CRLS1: variants seen among roughly 807,000 people sequenced by gnomAD.
The protein encoded by CRLS1 is cardiolipin synthase (CMP-forming).
CRLS1 carries 24 observed loss-of-function variants against 37.0 expected under a neutral mutation model. The ratio of observed to expected loss-of-function variants is 0.65; its 90% CI spans 0.47 to 0.91. The LOEUF is 0.91. CRLS1 is among the 40% of genes least tolerant of loss of function. CRLS1 has a pLI of 0.00. For missense variants in CRLS1, 373 were observed against 395.8 expected, an observed-to-expected ratio of 0.94 and a Z score of 0.49; for synonymous variants, 135 against 159.7, an observed-to-expected ratio of 0.85 and a Z score of 1.17.
At position 6,006,572 on chromosome 20, in the gene CRLS1, C is replaced by A; in HGVS notation, c.306+20C>A. 4 of 1,259,348 alleles carry A rather than the reference C, an allele frequency of 3.2e-6. No homozygotes were observed. The highest frequency in any genetic ancestry group is 4.0e-6 in the Non-Finnish European group (4 of 1,004,640). 78.0% of individuals were successfully genotyped at this position (1,259,348 alleles called of 1,614,324 possible). Reference sequence around the variant, plus strand: ...AGCCTGGTACGTACCGATGAGGCGGCGGCGGGCCGGCCCTGGGCTGGGGTC... The same window carrying A: ...AGCCTGGTACGTACCGATGAGGCGGAGGCGGGCCGGCCCTGGGCTGGGGTC... On this transcript the variant is annotated intron_variant, in intron 1 of 6. Coordinates refer to ENST00000378863, the MANE Select transcript of CRLS1 (RefSeq NM_019095.6).
At position 6,038,253 on chromosome 20, in the gene CRLS1, C is replaced by T. The variant is rs1385353482; in HGVS notation, c.*1095C>T. On this transcript the variant is annotated 3_prime_UTR_variant, in exon 7 of 7. Transcript: ENST00000378863. Reference sequence around the variant, plus strand: ...ATGGGGAAGGGGAGAAGAAGACAGTCCAGTGGTGACTAGTTGCTGCTGCTT... The same window carrying T: ...ATGGGGAAGGGGAGAAGAAGACAGTTCAGTGGTGACTAGTTGCTGCTGCTT... 1 of 152,242 alleles carries T rather than the reference C, an allele frequency of 6.6e-6. No individual in the cohort carries two copies. The allele number at this position is 152,242 out of a possible 1,614,324, so 9.4% of individuals were successfully genotyped here. A position where few individuals can be genotyped will look rare whatever the true frequency, so the allele number is the denominator to read the frequency against.
intron 3 of CRLS1, among the ~76,000 whole-genome samples, chr20:6,023,816 C>T (rs1160144286): frequency 6.6e-6 from 1 of 151,630 alleles, no homozygotes; most frequent in African/African-American, 2.4e-5. Flanking sequence ...CATGCACATA[C>T]CTCATTTTTA....
At chr20:6,008,587 G>A (rs747087731) in intron 1 of CRLS1, among the ~76,000 whole-genome samples, 1 of 152,188 alleles carries the variant, frequency 6.6e-6, no homozygotes, top group Non-Finnish European at 1.5e-5. Context: ...TTTAGTTGAG[G>A]ATCTTAACAT....
chr20:6,038,352 T>C lies in CRLS1; in HGVS notation c.*1194T>C, dbSNP rs1446243464. ...ATTATGGAATACTGCAGTGAGATTA[T>C]CCATTCTCAGCCTGTTGAGCTGCAT... On this transcript the variant is annotated 3_prime_UTR_variant, in exon 7 of 7. Transcript: ENST00000378863. 6.6e-6 allele frequency: 1 copy of C among 152,250 alleles called. No homozygotes were observed. Among genetic ancestry groups the C allele is most frequent in the Admixed American group, 6.5e-5 (1 of 15,286 alleles). The allele number at this position is 152,250 out of a possible 1,614,324, so 9.4% of individuals were successfully genotyped here.
At chr20:6,012,721 T>TAG (rs1978423319) in intron 2 of CRLS1, among the ~76,000 whole-genome samples, 1 of 152,000 alleles carries the variant, frequency 6.6e-6, no homozygotes, top group Admixed American at 6.6e-5. Flanking sequence ...AGAGAGAAAT[T>TAG]TGGGAGCTGT....
intron 5 of CRLS1, 26 bp downstream of exon 5, chr20:6,032,106 G>A: frequency 1.3e-6 from 2 of 1,558,012 alleles, no homozygotes; most frequent in Non-Finnish European, 1.8e-6. Flanking sequence ...GTTCTTTGAA[G>A]TTATTCCTTT....
chr20:6,028,450 A>G lies in CRLS1; in HGVS notation c.575-2835A>G, dbSNP rs191169693. 7.9e-5 allele frequency: 12 copies of G among 151,778 alleles called. No individual in the cohort carries two copies. The East Asian group carries it at 2.1e-3, about 27-fold the overall frequency. 9.4% of individuals were successfully genotyped at this position (151,778 alleles called of 1,614,324 possible). The stretch of plus-strand genomic sequence containing the variant: ...TTTATTTTGTATTATTATATTTTGT[A>G]TTATTATATTGTTTCTGGTTTACCA... On this transcript the variant is annotated intron_variant, in intron 3 of 6. Transcript: ENST00000378863.
chr20:6,007,384 G>A (rs750341656), intron 1 of CRLS1: 1 of 1,613,582 alleles, frequency 6.2e-7, no homozygotes. Flanking sequence ...TTCCCAGAAC[G>A]GCAGTAGTTG....
chr20:6,016,546 A>T (rs1568620101), intron 3 of CRLS1, among the ~76,000 whole-genome samples: 1 of 151,986 alleles, frequency 6.6e-6, no homozygotes, highest in African/African-American at 2.4e-5. Context: ...TCCCAAAGTG[A>T]TGGGACTATT....
rs184439829 is a variant in CRLS1, at chr20:6,007,591, A to T, written c.306+1039A>T. Among the ~76,000 whole-genome samples, 32 of 152,320 alleles carry T rather than the reference A, an allele frequency of 2.1e-4. No homozygotes were observed. The East Asian group carries it at 5.8e-3, about 27-fold the overall frequency. On this transcript the variant is annotated intron_variant, in intron 1 of 6. Transcript: ENST00000378863. ...GTTTGTTAATTCGCCAAATGAAATG[A>T]TGTTTCTGTTTACAACTTTGTCTTT...
chr20:6,023,162 C>T (rs1261601192), intron 3 of CRLS1, among the ~76,000 whole-genome samples: 2 of 152,174 alleles, frequency 1.3e-5, no homozygotes, highest in African/African-American at 4.8e-5. Flanking sequence ...TCCCCTTGAA[C>T]ATGAGTTGTT....
intron 6 of CRLS1, 55 bp downstream of exon 6, chr20:6,034,610 A>T: frequency 7.9e-7 from 1 of 1,272,012 alleles, no homozygotes; most frequent in Admixed American, 1.7e-5. Context: ...ACTTATGGTG[A>T]TAGCCCTAGA....
At position 6,037,189 on chromosome 20, in the gene CRLS1, G is replaced by A. The variant is rs545286140; in HGVS notation, c.*31G>A. 2.3e-5 allele frequency: 35 copies of A among 1,507,508 alleles called. 2 individuals carry two copies. The South Asian group carries it at 3.3e-4, about 14-fold the overall frequency. 93.4% of individuals were successfully genotyped at this position (1,507,508 alleles called of 1,614,324 possible). On this transcript the variant is annotated 3_prime_UTR_variant, in exon 7 of 7. Transcript: ENST00000378863. ...GTCATCCCTCACTGTTAGTAAGGAA[G>A]CAGTATACATCAATGGGAACAGGGC... is the stretch of plus-strand genomic sequence containing the variant.
chr20:6,006,800 T>G (rs1338027926), intron 1 of CRLS1: 1 of 985,322 alleles, frequency 1.0e-6, no homozygotes, highest in Non-Finnish European at 1.2e-6. Context: ...CACCCGTTGC[T>G]GGAAGGGCCG....
At chr20:6,009,180 G>A (rs192338170) in intron 1 of CRLS1, among the ~76,000 whole-genome samples, 1,537 of 152,166 alleles carry the variant, frequency 0.01, 24 homozygotes, top group African/African-American at 0.033. Flanking sequence ...AAAATTAGCT[G>A]GGCATGGTGG....
chr20:6,006,545 C>A lies in CRLS1; in HGVS notation c.299C>A (p.Pro100His). The A allele has an allele frequency of 7.6e-7, 1 of 1,311,614 alleles. No homozygotes were observed. The highest frequency in any genetic ancestry group is 9.6e-7 in the Non-Finnish European group (1 of 1,039,112). 81.2% of individuals were successfully genotyped at this position (1,311,614 alleles called of 1,614,324 possible). A position where few individuals can be genotyped will look rare whatever the true frequency, so the allele number is the denominator to read the frequency against. The change falls in exon 1 of 7, where the codon CCC (proline) becomes CAC (histidine). Residue 100 changes from proline (P) to histidine (H), a missense_variant. Coordinates refer to ENST00000378863, the MANE Select transcript of CRLS1 (RefSeq NM_019095.6). ...GGCCAGTGGGGCCCGGCGAGCACCC[C>A]CAGCCTGGTACGTACCGATGAGGCG... ...PGGQWGPAST[P>H]SLYENPWTIP...
chr20:6,035,056 A>G (rs1204672570), intron 6 of CRLS1, among the ~76,000 whole-genome samples: 7 of 152,214 alleles, frequency 4.6e-5, no homozygotes, highest in Admixed American at 2.0e-4. Flanking sequence ...AAGTGTGTCA[A>G]ATTCACGCTT....
chr20:6,015,398 G>T lies in CRLS1; in HGVS notation c.482G>T (p.Arg161Ile). ...ATTGCTCGAAACTGGGCCAATCAAA[G>T]ATCAGCTTTGGGAAGTGCTCTTGAT... ...GFIARNWANQ[R>I]SALGSALDPL... is the part of the protein sequence containing the mutation. Residue 161 changes from arginine (R) to isoleucine (I), a missense_variant, in exon 3 of 7, where the codon AGA becomes ATA. Physicochemically the swap from Arg to Ile is moderately conservative, Grantham distance 97. Coordinates refer to ENST00000378863, the MANE Select transcript of CRLS1 (RefSeq NM_019095.6). 1.2e-6 allele frequency: 2 copies of T among 1,609,660 alleles called. No individual in the cohort carries two copies. The highest frequency in any genetic ancestry group is 1.7e-6 in the Non-Finnish European group (2 of 1,177,522).
In CRLS1 at chr20:6,006,311, G is replaced by T; in HGVS notation, c.65G>T (p.Gly22Val). 7.5e-7 allele frequency: 1 copy of T among 1,327,652 alleles called. No individual in the cohort carries two copies. Among genetic ancestry groups the T allele is most frequent in the South Asian group, 2.1e-5 (1 of 48,402 alleles). The allele number at this position is 1,327,652 out of a possible 1,614,324, so 82.2% of individuals were successfully genotyped here. A position where few individuals can be genotyped will look rare whatever the true frequency, so the allele number is the denominator to read the frequency against. ...GALRGAAWAP[G>V]TRPSKRRACW... The stretch of plus-strand genomic sequence containing the variant: ...CTGCGCGGCGCCGCTTGGGCTCCGG[G>T]AACGCGGCCGAGTAAGCGACGCGCC... The change falls in exon 1 of 7, where the codon GGA becomes GTA. Residue 22 changes from glycine (G) to valine (V), a missense_variant. Transcript: ENST00000378863.
Sources: gnomAD v4.1 joint callset for allele counts (sites outside exome capture counted in the v4.1 genomes callset) on GRCh38, gnomAD v4.1.1 for gene constraint, MANE v1.5 for transcripts, NCBI Gene and HGNC (gene_info 2026-07-23, HGNC 2026-07-21) for gene names.